Variants in ARMH4 observed in about 807,000 individuals in gnomAD.
The protein encoded by ARMH4 is armadillo-like helical domain-containing protein 4.
In ARMH4, 49 loss-of-function variants were observed where a neutral mutation model predicts 61.9. That is an observed-to-expected ratio of 0.79 (90% CI 0.63 to 1.00). ARMH4 has a LOEUF of 1.00. Among genes scored for constraint, ARMH4 ranks in the 50% least tolerant of loss-of-function variants. The pLI, the probability that ARMH4 is intolerant of heterozygous loss-of-function variation, is 0.00. For missense variants in ARMH4, 934 were observed against 930.0 expected (o/e 1.00, Z -0.06); for synonymous variants, 368 against 341.5 (o/e 1.08, Z -0.85).
At chr14:58,050,090 T>C (rs1261174316) in intron 5 of ARMH4, among the ~76,000 whole-genome samples, 2 of 152,258 alleles carry the variant, frequency 1.3e-5, no homozygotes, top group African/African-American at 4.8e-5. Flanking sequence ...GTAATTTGTC[T>C]ATGGTGCACA....
rs553331358 is a variant in ARMH4 at position 58,084,994 on chromosome 14, T to A, written c.2089+11730A>T. On this transcript the variant is annotated intron_variant, in intron 5 of 7. Coordinates refer to ENST00000267485, the MANE Select transcript of ARMH4 (RefSeq NM_001001872.4). ...TTTAAGGCTTTAGCATCCTTTTTTATGGTCTCAGTTGGAGACAGGGAAAAA... is the reference window on the plus strand; with the variant it reads ...TTTAAGGCTTTAGCATCCTTTTTTAAGGTCTCAGTTGGAGACAGGGAAAAA... 5.3e-5 allele frequency among the ~76,000 whole-genome samples: 8 copies of A among 152,372 alleles called. No homozygotes were observed. The South Asian group carries it at 1.7e-3, about 32-fold the overall frequency.
intron 5 of ARMH4, among the ~76,000 whole-genome samples, chr14:58,060,094 T>C (rs553533899): frequency 5.3e-5 from 8 of 152,356 alleles, no homozygotes; most frequent in Admixed American, 3.3e-4. Context: ...CATTGTATTA[T>C]AGTCCGTTTT....
chr14:58,026,527 T>C (rs950083843), intron 5 of ARMH4, among the ~76,000 whole-genome samples: 1 of 152,090 alleles, frequency 6.6e-6, no homozygotes, highest in African/African-American at 2.4e-5. Flanking sequence ...AAAAAGAAAA[T>C]AGTTTGGCCT....
At chr14:58,025,599 T>C (rs1159675255) in intron 5 of ARMH4, among the ~76,000 whole-genome samples, 2 of 152,202 alleles carry the variant, frequency 1.3e-5, no homozygotes, top group East Asian at 1.9e-4. Context: ...TTCTTTCTTG[T>C]TATTTAACCA....
chr14:58,118,145 G>T (rs1486777343), intron 4 of ARMH4, among the ~76,000 whole-genome samples: 2 of 152,056 alleles, frequency 1.3e-5, no homozygotes, highest in Non-Finnish European at 2.9e-5. Flanking sequence ...TTCTTTCCTG[G>T]CCTCTTAACT....
At chr14:58,094,181 T>C (rs1181326647) in intron 5 of ARMH4, among the ~76,000 whole-genome samples, 1 of 151,840 alleles carries the variant, frequency 6.6e-6, no homozygotes, top group South Asian at 2.1e-4. Flanking sequence ...AATACAAAAA[T>C]TAGCTGGGCA....
intron 4 of ARMH4, among the ~76,000 whole-genome samples, chr14:58,107,069 ATG>A (rs1886186849): frequency 2.0e-5 from 3 of 152,188 alleles, no homozygotes; most frequent in African/African-American, 4.8e-5. Flanking sequence ...TGCTACAAAC[ATG>A]TGTCATTTAA....
At chr14:58,086,738 A>G (rs1327505541) in intron 5 of ARMH4, among the ~76,000 whole-genome samples, 1 of 152,188 alleles carries the variant, frequency 6.6e-6, no homozygotes, top group African/African-American at 2.4e-5. Context: ...CAAAAAAATA[A>G]GCAAAATGAG....
At chr14:58,114,256 C>A (rs890039562) in intron 4 of ARMH4, among the ~76,000 whole-genome samples, 8 of 152,126 alleles carry the variant, frequency 5.3e-5, no homozygotes, top group African/African-American at 1.9e-4. Flanking sequence ...ATTCCCCTTA[C>A]ACAGGCTTAA....
chr14:58,028,317 G>T (rs1883093261), intron 5 of ARMH4, among the ~76,000 whole-genome samples: 1 of 152,176 alleles, frequency 6.6e-6, no homozygotes, highest in African/African-American at 2.4e-5. Flanking sequence ...CACTACAAAT[G>T]AACAATTTCT....
At chr14:58,127,499 CTCTTTT>C (rs964363627) in intron 4 of ARMH4, among the ~76,000 whole-genome samples, 1 of 152,156 alleles carries the variant, frequency 6.6e-6, no homozygotes, top group Non-Finnish European at 1.5e-5. Context: ...TTTATTAAAC[CTCTTTT>C]CTTTATAAAT....
chr14:58,101,332 C>CACTTAGA (rs1440191819), intron 4 of ARMH4: 1 of 152,610 alleles, frequency 6.6e-6, no homozygotes, highest in Non-Finnish European at 1.5e-5. Context: ...CACAAAACAA[C>CACTTAGA]ACTTAGATTT....
At chr14:58,052,408 G>T (rs1045673980) in intron 5 of ARMH4, among the ~76,000 whole-genome samples, 2 of 151,656 alleles carry the variant, frequency 1.3e-5, no homozygotes, top group African/African-American at 4.8e-5. Flanking sequence ...AGGAAGAGCG[G>T]GTTTCATGGG....
intron 5 of ARMH4, among the ~76,000 whole-genome samples, chr14:58,045,627 A>T (rs1194833456): frequency 6.6e-6 from 1 of 151,848 alleles, no homozygotes; most frequent in African/African-American, 2.4e-5. Context: ...AAAAAAAAGA[A>T]ACACGGTCTT....
At chr14:58,053,799 G>A (rs536010831) in intron 5 of ARMH4, among the ~76,000 whole-genome samples, 10 of 152,208 alleles carry the variant, frequency 6.6e-5, no homozygotes, top group Admixed American at 2.0e-4. Flanking sequence ...CATAACTTTT[G>A]TTAGTGGAGA....
intron 5 of ARMH4, among the ~76,000 whole-genome samples, chr14:58,079,025 T>C (rs574840093): frequency 1.3e-5 from 2 of 152,254 alleles, no homozygotes; most frequent in African/African-American, 4.8e-5. Flanking sequence ...CTGAATATGA[T>C]GCTTGGGAAT....
chr14:58,116,407 G>T, intron 4 of ARMH4: 1 of 398,738 alleles, frequency 2.5e-6, no homozygotes, highest in Non-Finnish European at 5.2e-6. Context: ...GGGTGCAGGA[G>T]TTCACACTTG....
chr14:58,143,613 A>C (rs1284153986), intron 1 of ARMH4, among the ~76,000 whole-genome samples: 5 of 151,824 alleles, frequency 3.3e-5, no homozygotes, highest in Non-Finnish European at 4.4e-5. Flanking sequence ...ACAGGTGCTC[A>C]CTACCATGCC....
At chr14:58,115,938 G>A (rs777847990) in intron 4 of ARMH4, among the ~76,000 whole-genome samples, 1 of 152,028 alleles carries the variant, frequency 6.6e-6, no homozygotes, top group Non-Finnish European at 1.5e-5. Flanking sequence ...GAAGAGGAGT[G>A]AAAAACAAAC....
Sources: allele counts gnomAD v4.1 joint callset (sites outside exome capture counted in the v4.1 genomes callset), GRCh38; gene constraint gnomAD v4.1.1; transcripts MANE v1.5; gene names NCBI Gene and HGNC (gene_info 2026-07-23, HGNC 2026-07-21).